CEMIP2: variants seen among roughly 807,000 people sequenced by gnomAD.
CEMIP2 encodes the protein cell surface hyaluronidase CEMIP2.
A neutral mutation model predicts 146.9 loss-of-function variants in CEMIP2; 79 were observed. The observed-to-expected ratio is 0.54, with a 90% CI of 0.45 to 0.65. CEMIP2 has a LOEUF of 0.65. Among genes scored for constraint, CEMIP2 ranks in the 30% least tolerant of loss-of-function variants. CEMIP2 has a pLI of 0.00. For synonymous variants in CEMIP2, 601 were observed against 606.3 expected, an observed-to-expected ratio of 0.99 and a Z score of 0.13; for missense variants, 1,596 against 1,696.2, an observed-to-expected ratio of 0.94 and a Z score of 1.04.
At chr9:71,734,170 T>C (rs1234149740) in intron 6 of CEMIP2, among the ~76,000 whole-genome samples, 1 of 152,044 alleles carries the variant, frequency 6.6e-6, no homozygotes, top group Non-Finnish European at 1.5e-5. Flanking sequence ...CTTAAGAAAA[T>C]ACCTATCTGA....
At chr9:71,750,478 G>A in intron 1 of CEMIP2, 93 bp from the exon 2 acceptor site, 1 of 990,978 alleles carries the variant, frequency 1.0e-6, no homozygotes, top group Non-Finnish European at 1.4e-6. Context: ...TTTCACTCTT[G>A]TTGCCCACAC....
At chr9:71,687,635 C>T (rs1012575122) in intron 22 of CEMIP2, among the ~76,000 whole-genome samples, 1 of 151,616 alleles carries the variant, frequency 6.6e-6, no homozygotes, top group Non-Finnish European at 1.5e-5. Context: ...TCAAGACCAG[C>T]CTGGGAAACA....
chr9:71,744,548 A>AAAAAAG lies in CEMIP2; in HGVS notation c.1034+464_1034+469dup, dbSNP rs887101875. Among the ~76,000 whole-genome samples the AAAAAAG allele has an allele frequency of 2.7e-4, 41 of 152,280 alleles. No individual in the cohort carries two copies. The East Asian group carries it at 4.2e-3, about 16-fold the overall frequency. ...TCCAATCAGCCTGCAAAGGAGTCCG[A>AAAAAAG]AAAAAGAAAAAGAAAAAGAAAAACT... is the stretch of plus-strand genomic sequence containing the variant. On this transcript the variant is annotated intron_variant, in intron 4 of 23. Transcript: ENST00000377044.
intron 20 of CEMIP2, among the ~76,000 whole-genome samples, chr9:71,695,144 G>T (rs1004876225): frequency 2.6e-5 from 4 of 152,046 alleles, no homozygotes; most frequent in Admixed American, 6.5e-5. Context: ...CTCAGGCAGG[G>T]CCTCACTTTC....
chr9:71,715,769 G>T (rs1024022839), intron 14 of CEMIP2, among the ~76,000 whole-genome samples: 1 of 151,038 alleles, frequency 6.6e-6, no homozygotes, highest in Non-Finnish European at 1.5e-5. Context: ...TTACAGGCAT[G>T]CCACTATGCC....
chr9:71,765,446 G>A (rs751451612), intron 1 of CEMIP2, among the ~76,000 whole-genome samples: 4 of 152,216 alleles, frequency 2.6e-5, no homozygotes, highest in East Asian at 3.9e-4. Context: ...AAGAAACAAC[G>A]TGAGAAGGAT....
chr9:71,763,060 TAAA>T (rs771563548), intron 1 of CEMIP2, among the ~76,000 whole-genome samples: 2 of 137,532 alleles, frequency 1.5e-5, no homozygotes, highest in African/African-American at 2.7e-5. Context: ...AACCACAACT[TAAA>T]AAAAAAAAAA....
chr9:71,735,001 C>CAAAAA lies in CEMIP2; in HGVS notation c.1205-12_1205-8dup. 6.8e-7 allele frequency: 1 copy of CAAAAA among 1,469,532 alleles called. No individual in the cohort carries two copies. The highest frequency in any genetic ancestry group is 9.2e-7 in the Non-Finnish European group (1 of 1,092,200). The allele number at this position is 1,469,532 out of a possible 1,614,324, so 91.0% of individuals were successfully genotyped here. A position where few individuals can be genotyped will look rare whatever the true frequency, so the allele number is the denominator to read the frequency against. On this transcript the variant is annotated splice_region_variant and splice_polypyrimidine_tract_variant and intron_variant, in intron 5 of 23. Coordinates refer to ENST00000377044, the MANE Select transcript of CEMIP2 (RefSeq NM_013390.3). ...AATCCTGAAAGAGAAACGCCTAAAC[C>CAAAAA]AAAAAAAAAAAAAAGAAAAAGAAAG...
At chr9:71,754,148 C>T (rs1479278098) in intron 1 of CEMIP2, among the ~76,000 whole-genome samples, 1 of 152,078 alleles carries the variant, frequency 6.6e-6, no homozygotes, top group East Asian at 1.9e-4. Context: ...ACCAACATAG[C>T]ACACGTATAC....
Position 71,730,062 on chromosome 9 carries a change from A to C in CEMIP2, c.1965T>G (p.Pro655=), listed in dbSNP as rs1482875763. Residue 655 remains proline (P), a synonymous_variant, in exon 9 of 24, where the codon CCT becomes CCG. Coordinates refer to ENST00000377044, the MANE Select transcript of CEMIP2 (RefSeq NM_013390.3). ...DKVFGNYIPV[P]ATDCMAVSTF... is the part of the protein sequence containing the mutation. ...CAATTACTCACATACAGTCAGTAGC[A>C]GGCACAGGAATGTAATTTCCAAACA... 7.4e-6 allele frequency: 12 copies of C among 1,614,086 alleles called. No homozygotes were observed. The highest frequency in any genetic ancestry group is 9.3e-6 in the Non-Finnish European group (11 of 1,180,040).
At chr9:71,715,236 GCT>G (rs35031807) in intron 14 of CEMIP2, 147 bp from the exon 15 acceptor site, 221 of 379,064 alleles carry the variant, frequency 5.8e-4, no homozygotes, top group South Asian at 9.2e-4. Flanking sequence ...TTCAGAAACT[GCT>G]TTTTTTTTTT....
chr9:71,707,952 C>T (rs1822798916), intron 17 of CEMIP2, among the ~76,000 whole-genome samples: 1 of 152,026 alleles, frequency 6.6e-6, no homozygotes, highest in South Asian at 2.1e-4. Flanking sequence ...TTTGGGAGGC[C>T]GAGGTGGGCG....
chr9:71,734,075 T>A (rs1823695504), intron 6 of CEMIP2, among the ~76,000 whole-genome samples: 1 of 152,170 alleles, frequency 6.6e-6, no homozygotes, highest in African/African-American at 2.4e-5. Context: ...CTCAAATGCC[T>A]AACCACAAGA....
At chr9:71,740,880 A>G (rs1823893528) in intron 4 of CEMIP2, among the ~76,000 whole-genome samples, 1 of 152,202 alleles carries the variant, frequency 6.6e-6, no homozygotes, top group South Asian at 2.1e-4. Flanking sequence ...GGATCAACAG[A>G]AGAAAGGAAG....
chr9:71,758,149 C>T (rs1409050076), intron 1 of CEMIP2, among the ~76,000 whole-genome samples: 1 of 152,154 alleles, frequency 6.6e-6, no homozygotes, highest in Non-Finnish European at 1.5e-5. Flanking sequence ...TAGGTCTATA[C>T]ATACAGCTAT....
At chr9:71,727,293 T>C (rs920858057) in intron 10 of CEMIP2, among the ~76,000 whole-genome samples, 22 of 152,198 alleles carry the variant, frequency 1.4e-4, no homozygotes, top group African/African-American at 5.1e-4. Context: ...TGTTGACGCA[T>C]AATGTTACAT....
In CEMIP2 at chr9:71,701,909, CCAAA is replaced by C. The variant is rs1393994854; in HGVS notation, c.3195-1089_3195-1086del. Among the ~76,000 whole-genome samples the C allele has an allele frequency of 2.6e-5, 4 of 152,114 alleles. 1 individual carries two copies. Among genetic ancestry groups the C allele is most frequent in the African/African-American group, 9.6e-5 (4 of 41,502 alleles). The stretch of plus-strand genomic sequence containing the variant: ...GTTGTTCAATCATCATCACTATTTC[CCAAA>C]CTTTTTTGTCATTCTAAAAAATGTT... On this transcript the variant is annotated intron_variant, in intron 18 of 23. Transcript: ENST00000377044.
At chr9:71,758,033 C>T (rs976990669) in intron 1 of CEMIP2, among the ~76,000 whole-genome samples, 5 of 152,194 alleles carry the variant, frequency 3.3e-5, no homozygotes, top group South Asian at 2.1e-4. Flanking sequence ...TCTTTCTATA[C>T]GTAGTTTAGC....
At position 71,712,187 on chromosome 9, in the gene CEMIP2, C is replaced by A. The variant is rs779321096; in HGVS notation, c.2665G>T (p.Val889Leu). The change falls in exon 16 of 24, where the codon GTG becomes TTG. Residue 889 changes from valine (V) to leucine (L), a missense_variant. Val to Leu is a conservative substitution (Grantham distance 32, BLOSUM62 1). Coordinates refer to ENST00000377044, the MANE Select transcript of CEMIP2 (RefSeq NM_013390.3). ...HLTRSTFKKYVPTPDRYSSAI... is the reference protein window; with the variant it reads ...HLTRSTFKKYLPTPDRYSSAI... ...CTGCTGTACCTATCTGGAGTTGGCA[C>A]ATATTTTTTGAAAGTGCTCCTTGTG... 2 of 1,614,152 alleles carry A rather than the reference C, an allele frequency of 1.2e-6. No homozygotes were observed. Among genetic ancestry groups the A allele is most frequent in the South Asian group, 1.1e-5 (1 of 91,078 alleles).
Sources: gnomAD v4.1 joint callset for allele counts (sites outside exome capture counted in the v4.1 genomes callset) on GRCh38, gnomAD v4.1.1 for gene constraint, MANE v1.5 for transcripts, NCBI Gene and HGNC (gene_info 2026-07-23, HGNC 2026-07-21) for gene names.